Variants in PIP4P2 observed in about 807,000 individuals in gnomAD.
The protein encoded by PIP4P2 is phosphatidylinositol-4,5-bisphosphate 4-phosphatase 2.
In PIP4P2, 19 loss-of-function variants were observed where a neutral mutation model predicts 33.3. That is an observed-to-expected ratio of 0.57 (90% CI 0.40 to 0.84). The LOEUF is 0.84. PIP4P2 is among the 40% of genes least tolerant of loss of function. The pLI is 0.00. For synonymous variants in PIP4P2, 110 were observed against 111.9 expected (o/e 0.98, Z 0.11); for missense variants, 270 against 324.7 (o/e 0.83, Z 1.29).
rs1563571814 is a variant in PIP4P2 at position 91,040,856 on chromosome 8, T to TGCTGCCGCTGCAGCTGCC, written c.-108_-107insGGCAGCTGCAGCGGCAGC. On this transcript the variant is annotated 5_prime_UTR_variant, in exon 1 of 7. Coordinates refer to ENST00000285419, the MANE Select transcript of PIP4P2 (RefSeq NM_018710.3). ...CTGCCGCTGCTGCCGCTGCAGCTGCTGCTGCTGCCGCCTCCGGGAGGGCCC... is the reference window on the plus strand; with the variant it reads ...CTGCCGCTGCTGCCGCTGCAGCTGCTGCTGCCGCTGCAGCTGCCGCTGCTGCCGCCTCCGGGAGGGCCC... 1.4e-4 allele frequency: 121 copies of TGCTGCCGCTGCAGCTGCC among 866,062 alleles called. 1 individual carries two copies. The African/African-American group carries it at 1.5e-3, about 10-fold the overall frequency. The allele number at this position is 866,062 out of a possible 1,614,324, so 53.6% of individuals were successfully genotyped here.
In PIP4P2 at chr8:90,995,816, C is replaced by T. The variant is rs73694351; in HGVS notation, c.635G>A (p.Gly212Asp). The T allele has an allele frequency of 4.4e-6, 7 of 1,594,556 alleles. No individual in the cohort carries two copies. The highest frequency in any genetic ancestry group is 6.0e-6 in the Non-Finnish European group (7 of 1,174,434). ...AAATCGCCTTGCAAAATCTGGGGTG[C>T]CAACCTAAAATAAAAAGCAATATAA... ...CIFIGVGLTVGTPDFARRFRA... is the reference protein window; with the variant it reads ...CIFIGVGLTVDTPDFARRFRA... The change falls in exon 7 of 7, where the codon GGC (glycine) becomes GAC (aspartate). Residue 212 changes from glycine (G) to aspartate (D), a missense_variant. Transcript: ENST00000285419.
At chr8:91,022,588 T>C (rs911943717) in intron 1 of PIP4P2, among the ~76,000 whole-genome samples, 2 of 152,140 alleles carry the variant, frequency 1.3e-5, no homozygotes, top group Admixed American at 6.5e-5. Context: ...GAGGCTTCTG[T>C]AACACTATAA....
intron 1 of PIP4P2, among the ~76,000 whole-genome samples, chr8:91,022,638 T>G (rs1408128570): frequency 6.6e-6 from 1 of 152,218 alleles, no homozygotes; most frequent in Non-Finnish European, 1.5e-5. Flanking sequence ...GAGCTATTTT[T>G]GAAATAAAGG....
chr8:91,035,392 A>G (rs1812220439), intron 1 of PIP4P2, among the ~76,000 whole-genome samples: 1 of 152,224 alleles, frequency 6.6e-6, no homozygotes. Context: ...AACTGTCACT[A>G]AAGTCCCTAA....
intron 4 of PIP4P2, among the ~76,000 whole-genome samples, chr8:91,016,930 C>T (rs1273035281): frequency 6.6e-6 from 1 of 152,012 alleles, no homozygotes; most frequent in Non-Finnish European, 1.5e-5. Context: ...ATTTGTAAGT[C>T]CAAGAAAATG....
At chr8:91,011,019 GAGAT>G (rs3084284) in intron 4 of PIP4P2, among the ~76,000 whole-genome samples, 20,379 of 145,234 alleles carry the variant, frequency 0.14, 1,572 homozygotes, top group Non-Finnish European at 0.17. Context: ...GTATCTTACT[GAGAT>G]AGATAGATAG....
chr8:91,037,680 A>G (rs1812250376), intron 1 of PIP4P2, among the ~76,000 whole-genome samples: 1 of 152,216 alleles, frequency 6.6e-6, no homozygotes, highest in African/African-American at 2.4e-5. Context: ...AGTAAATCAA[A>G]CTGTCTGCCT....
At chr8:91,035,981 C>T (rs991530568) in intron 1 of PIP4P2, among the ~76,000 whole-genome samples, 29 of 151,722 alleles carry the variant, frequency 1.9e-4, no homozygotes, top group Non-Finnish European at 3.2e-4. Context: ...CACTGCACTC[C>T]GGCCTGAGCA....
At chr8:91,007,182 A>G (rs1013981045) in intron 5 of PIP4P2, among the ~76,000 whole-genome samples, 6 of 152,172 alleles carry the variant, frequency 3.9e-5, no homozygotes, top group African/African-American at 1.4e-4. Context: ...TTGTGCACGT[A>G]TTAAGGGTTT....
At chr8:91,026,823 A>G (rs1248544721) in intron 1 of PIP4P2, among the ~76,000 whole-genome samples, 1 of 152,170 alleles carries the variant, frequency 6.6e-6, no homozygotes, top group African/African-American at 2.4e-5. Context: ...ATGGGATGGT[A>G]GTAATCTGTG....
At chr8:91,013,737 T>C (rs57710051) in intron 4 of PIP4P2, among the ~76,000 whole-genome samples, 2,657 of 152,218 alleles carry the variant, frequency 0.017, 82 homozygotes, top group African/African-American at 0.059. Flanking sequence ...GGTCTCTATG[T>C]TGCCCAGGCT....
intron 5 of PIP4P2, among the ~76,000 whole-genome samples, chr8:91,003,436 C>T (rs148575786): frequency 6.6e-6 from 1 of 152,034 alleles, no homozygotes; most frequent in Non-Finnish European, 1.5e-5. Flanking sequence ...AAAAAATACA[C>T]TAATATTTCT....
chr8:91,036,771 G>A (rs1474807408), intron 1 of PIP4P2, among the ~76,000 whole-genome samples: 1 of 152,082 alleles, frequency 6.6e-6, no homozygotes, highest in African/African-American at 2.4e-5. Context: ...ACAATATCCT[G>A]GATGGGCTGA....
intron 1 of PIP4P2, among the ~76,000 whole-genome samples, chr8:91,035,696 C>T (rs773413037): frequency 2.6e-5 from 4 of 152,064 alleles, no homozygotes; most frequent in Non-Finnish European, 5.9e-5. Context: ...CACTGTGGTA[C>T]ACAGAGAAAA....
chr8:90,998,426 C>T (rs1308959199), intron 5 of PIP4P2, among the ~76,000 whole-genome samples: 2 of 152,032 alleles, frequency 1.3e-5, no homozygotes, highest in Non-Finnish European at 2.9e-5. Context: ...ACTGCTACTC[C>T]ACAACTCAAG....
chr8:91,008,858 G>A, intron 4 of PIP4P2, 63 bp from the exon 5 acceptor site: 1 of 1,397,718 alleles, frequency 7.2e-7, no homozygotes, highest in Non-Finnish European at 1.0e-6. Context: ...AATCTGATAA[G>A]ACATTTCTTT....
At chr8:91,038,144 C>T (rs932029210) in intron 1 of PIP4P2, among the ~76,000 whole-genome samples, 10 of 152,162 alleles carry the variant, frequency 6.6e-5, no homozygotes, top group African/African-American at 2.4e-4. Context: ...ACCAAACACA[C>T]AATACTAACT....
At chr8:91,022,117 TA>T (rs1162601443) in intron 1 of PIP4P2, among the ~76,000 whole-genome samples, 2 of 152,208 alleles carry the variant, frequency 1.3e-5, no homozygotes, top group Non-Finnish European at 2.9e-5. Flanking sequence ...TATGTGGGAT[TA>T]AAAACTTCAA....
intron 1 of PIP4P2, among the ~76,000 whole-genome samples, chr8:91,035,297 A>G (rs1812219557): frequency 6.6e-6 from 1 of 152,244 alleles, no homozygotes; most frequent in Non-Finnish European, 1.5e-5. Context: ...CAATTAAAAT[A>G]AAGGTACATT....
Sources: allele counts gnomAD v4.1 joint callset (sites outside exome capture counted in the v4.1 genomes callset), GRCh38; gene constraint gnomAD v4.1.1; transcripts MANE v1.5; gene names NCBI Gene and HGNC (gene_info 2026-07-23, HGNC 2026-07-21).